Variants in NXN observed in about 807,000 individuals in gnomAD.
NXN encodes the protein nucleoredoxin.
Under a neutral mutation model 48.6 loss-of-function variants are expected in NXN, and 16 were observed. The ratio of observed to expected loss-of-function variants is 0.33; its 90% CI spans 0.22 to 0.50. The LOEUF is 0.50. Ranked by LOEUF, NXN falls within the 20% of genes least tolerant of loss-of-function variation. NXN has a pLI of 0.98. For synonymous variants in NXN, 281 were observed against 269.6 expected, an observed-to-expected ratio of 1.04 and a Z score of -0.41; for missense variants, 492 against 605.5, an observed-to-expected ratio of 0.81 and a Z score of 1.97.
chr17:947,071 G>T (rs2069052014), intron 1 of NXN, among the ~76,000 whole-genome samples: 1 of 152,104 alleles, frequency 6.6e-6, no homozygotes, highest in African/African-American at 2.4e-5. Flanking sequence ...CCCAGCACGG[G>T]CCCCCCACTC....
chr17:818,077 GGC>G (rs1912583407), intron 5 of NXN, among the ~76,000 whole-genome samples: 1 of 151,968 alleles, frequency 6.6e-6, no homozygotes, highest in Non-Finnish European at 1.5e-5. Context: ...TGGGCAACAT[GGC>G]AAAACTTCAT....
chr17:900,254 G>GA (rs928399828), intron 1 of NXN, among the ~76,000 whole-genome samples: 21 of 145,458 alleles, frequency 1.4e-4, no homozygotes, highest in African/African-American at 4.4e-4. Flanking sequence ...CAACAAGACC[G>GA]AAACTCCGTC....
chr17:809,265 T>C (rs138826658), intron 5 of NXN, among the ~76,000 whole-genome samples: 1 of 152,360 alleles, frequency 6.6e-6, no homozygotes, highest in African/African-American at 2.4e-5. Context: ...GGCGCAGCCC[T>C]GAGTCCCCTG....
At position 823,099 on chromosome 17, in the gene NXN, CAA is replaced by C. The variant is rs11314268; in HGVS notation, c.612+531_612+532del. On this transcript the variant is annotated intron_variant, in intron 3 of 7. Coordinates refer to ENST00000336868, the MANE Select transcript of NXN (RefSeq NM_022463.5). ...TAGGCGACAGAGCAAGACTCTGTCT[CAA>C]AAAAAAAAAAAAGGGGGCCAGGCAC... 2.5e-3 allele frequency among the ~76,000 whole-genome samples: 323 copies of C among 130,366 alleles called. 1 individual carries two copies. The highest frequency in any genetic ancestry group is 3.8e-3 in the Non-Finnish European group (225 of 59,290). 85.5% of individuals were successfully genotyped at this position (130,366 alleles called of 152,430 possible).
chr17:819,486 G>C lies in NXN; in HGVS notation c.773C>G (p.Thr258Arg). The change falls in exon 5 of 8, where the codon ACG (threonine) becomes AGG (arginine). Residue 258 changes from threonine (T) to arginine (R), a missense_variant. Physicochemically the swap from Thr to Arg is moderately conservative, Grantham distance 71. Coordinates refer to ENST00000336868, the MANE Select transcript of NXN (RefSeq NM_022463.5). Reference protein sequence around the residue: ...SEMPWLAVPYTDEARRSRLNR... With the variant: ...SEMPWLAVPYRDEARRSRLNR... Reference sequence around the variant, plus strand: ...GAGGCGCGACCGCCGGGCCTCATCCGTGTAGGGGACGGCGAGCCAGGGCAT... The same window carrying C: ...GAGGCGCGACCGCCGGGCCTCATCCCTGTAGGGGACGGCGAGCCAGGGCAT... 6.2e-7 allele frequency: 1 copy of C among 1,613,750 alleles called. No individual in the cohort carries two copies.
intron 1 of NXN, among the ~76,000 whole-genome samples, chr17:943,227 C>T (rs368020576): frequency 5.8e-4 from 88 of 152,338 alleles, no homozygotes; most frequent in Middle Eastern, 3.4e-3. Flanking sequence ...AACTTTAAAT[C>T]TGTCAACTGA....
intron 1 of NXN, among the ~76,000 whole-genome samples, chr17:908,854 A>G (rs1413897305): frequency 6.6e-6 from 1 of 152,096 alleles, no homozygotes; most frequent in Non-Finnish European, 1.5e-5. Context: ...CTGTAATCCC[A>G]GCACTTTGGG....
intron 1 of NXN, among the ~76,000 whole-genome samples, chr17:828,947 A>C (rs944897483): frequency 2.0e-5 from 3 of 152,098 alleles, no homozygotes; most frequent in African/African-American, 7.2e-5. Flanking sequence ...AAGTCGGGAA[A>C]CAGCAAAACC....
At chr17:809,993 T>G in intron 5 of NXN, among the ~76,000 whole-genome samples, 7 of 141,242 alleles carry the variant, frequency 5.0e-5, no homozygotes, top group Admixed American at 1.4e-4. Flanking sequence ...GTGAGTGGCG[T>G]GTACGTTACG....
At chr17:824,773 C>G (rs961463390) in intron 2 of NXN, among the ~76,000 whole-genome samples, 5 of 152,216 alleles carry the variant, frequency 3.3e-5, no homozygotes, top group Non-Finnish European at 1.5e-5. Flanking sequence ...GAATACGCTT[C>G]CCGCTCAACT....
Position 962,854 on chromosome 17 carries a change from C to T in NXN, c.360+16465G>A, listed in dbSNP as rs1307504145. 3.9e-5 allele frequency among the ~76,000 whole-genome samples: 6 copies of T among 152,262 alleles called. No individual in the cohort carries two copies. The East Asian group carries it at 1.2e-3, about 29-fold the overall frequency. On this transcript the variant is annotated intron_variant, in intron 1 of 7. Coordinates refer to ENST00000336868, the MANE Select transcript of NXN (RefSeq NM_022463.5). The stretch of plus-strand genomic sequence containing the variant: ...CGGCAGAGCCCAGCGGCGGGAGTTT[C>T]ACAGACACCATCTTCTCACTGCTTT...
At chr17:896,856 C>CCGGGGGGG in intron 1 of NXN, 1 of 1,156,932 alleles carries the variant, frequency 8.6e-7, no homozygotes, top group Non-Finnish European at 1.1e-6. Context: ...CGGTCCTGAC[C>CCGGGGGGG]ACCCGCCCCC....
chr17:801,645 T>C (rs1408161384), intron 7 of NXN, among the ~76,000 whole-genome samples: 2 of 152,144 alleles, frequency 1.3e-5, no homozygotes, highest in African/African-American at 4.8e-5. Context: ...GGTTTCACCA[T>C]GTTGGTCAGG....
intron 1 of NXN, among the ~76,000 whole-genome samples, chr17:892,208 C>A: frequency 6.7e-6 from 1 of 150,262 alleles, no homozygotes; most frequent in Middle Eastern, 3.3e-3. Context: ...CTAAGCTAAC[C>A]CCACCATGCA....
At position 959,209 on chromosome 17, in the gene NXN, G is replaced by C. The variant is rs1229071716; in HGVS notation, c.360+20110C>G. 5 of 1,036,248 alleles carry C rather than the reference G, an allele frequency of 4.8e-6. No homozygotes were observed. The East Asian group carries it at 1.6e-4, about 33-fold the overall frequency. 64.2% of individuals were successfully genotyped at this position (1,036,248 alleles called of 1,614,324 possible). A position where few individuals can be genotyped will look rare whatever the true frequency, so the allele number is the denominator to read the frequency against. ...ACGTACCAGTTCAGCCAGTACGTGT[G>C]TCAGCAGACAGGCCTGCAGATACCC... On this transcript the variant is annotated intron_variant, in intron 1 of 7. Coordinates refer to ENST00000336868, the MANE Select transcript of NXN (RefSeq NM_022463.5).
intron 1 of NXN, among the ~76,000 whole-genome samples, chr17:831,422 G>A (rs554147120): frequency 1.9e-4 from 29 of 152,078 alleles, no homozygotes; most frequent in South Asian, 4.2e-4. Context: ...CAGTCCCCCC[G>A]CCACACAGAT....
intron 1 of NXN, among the ~76,000 whole-genome samples, chr17:970,085 T>C (rs2069355756): frequency 6.6e-6 from 1 of 152,190 alleles, no homozygotes; most frequent in African/African-American, 2.4e-5. Flanking sequence ...ATACACTGTG[T>C]ATCTGGTCCA....
intron 1 of NXN, among the ~76,000 whole-genome samples, chr17:876,186 G>T (rs1313937220): frequency 9.6e-6 from 1 of 103,852 alleles, no homozygotes; most frequent in Non-Finnish European, 2.0e-5. Context: ...CATCAGAAAA[G>T]AAAGAAAAAA....
At chr17:962,048 T>G (rs1247039791) in intron 1 of NXN, among the ~76,000 whole-genome samples, 1 of 152,046 alleles carries the variant, frequency 6.6e-6, no homozygotes, top group Non-Finnish European at 1.5e-5. Flanking sequence ...GGCAGGAGAA[T>G]CACTTGAACC....
Sources: allele counts gnomAD v4.1 joint callset (sites outside exome capture counted in the v4.1 genomes callset), GRCh38; gene constraint gnomAD v4.1.1; transcripts MANE v1.5; gene names NCBI Gene and HGNC (gene_info 2026-07-23, HGNC 2026-07-21).